MEGF9: variants seen among roughly 807,000 people sequenced by gnomAD.
MEGF9 encodes multiple EGF like domains 9, also known as multiple epidermal growth factor-like domains protein 9.
Under a neutral mutation model 46.8 loss-of-function variants are expected in MEGF9, and 6 were observed. The ratio of observed to expected loss-of-function variants is 0.13; its 90% CI spans 0.07 to 0.25. The LOEUF (loss-of-function observed/expected upper bound fraction) is 0.25, where lower values mean the gene tolerates loss of function less well. Among genes scored for constraint, MEGF9 ranks in the 10% least tolerant of loss-of-function variants. The probability of loss-of-function intolerance (pLI) is 1.00; values close to 1 mark genes in which losing one functional copy is unlikely to be tolerated. For missense variants in MEGF9, 683 were observed against 792.4 expected (o/e 0.86, Z 1.66); for synonymous variants, 302 against 330.7 (o/e 0.91, Z 0.94).
chr9:120,713,450 C>T (rs2043962002), intron 1 of MEGF9, among the ~76,000 whole-genome samples: 1 of 152,128 alleles, frequency 6.6e-6, no homozygotes, highest in Non-Finnish European at 1.5e-5. Context: ...GTGCGCGAAC[C>T]CAACCCAAAA....
intron 1 of MEGF9, among the ~76,000 whole-genome samples, chr9:120,673,423 T>G (rs1023236878): frequency 1.8e-4 from 27 of 151,910 alleles, no homozygotes; most frequent in African/African-American, 6.5e-4. Flanking sequence ...AGACTTACTA[T>G]AAAGCTATAG....
chr9:120,673,690 G>A (rs372415940), intron 1 of MEGF9, among the ~76,000 whole-genome samples: 74 of 151,396 alleles, frequency 4.9e-4, no homozygotes, highest in African/African-American at 1.5e-3. Context: ...TCAATAGGCC[G>A]GGCACGGTGG....
intron 1 of MEGF9, among the ~76,000 whole-genome samples, chr9:120,663,658 A>C (rs993648148): frequency 6.6e-6 from 1 of 152,242 alleles, no homozygotes; most frequent in Non-Finnish European, 1.5e-5. Flanking sequence ...ATGAAACAAT[A>C]TGAAGAGGAC....
At chr9:120,611,385 A>G (rs2043444345) in intron 4 of MEGF9, among the ~76,000 whole-genome samples, 1 of 152,206 alleles carries the variant, frequency 6.6e-6, no homozygotes. Context: ...GAAATGGGGT[A>G]TAACACAATA....
chr9:120,630,644 C>T (rs1454467664), intron 2 of MEGF9, among the ~76,000 whole-genome samples: 2 of 152,190 alleles, frequency 1.3e-5, no homozygotes, highest in Non-Finnish European at 2.9e-5. Flanking sequence ...GTATAAGAGT[C>T]CCCTTTTCTC....
chr9:120,692,458 A>G (rs2132338727), intron 1 of MEGF9, among the ~76,000 whole-genome samples: 1 of 152,314 alleles, frequency 6.6e-6, no homozygotes, highest in South Asian at 2.1e-4. Flanking sequence ...GTGCCCTCTA[A>G]TTATCTTCTC....
chr9:120,678,586 C>T (rs1238359056), intron 1 of MEGF9, among the ~76,000 whole-genome samples: 3 of 152,188 alleles, frequency 2.0e-5, no homozygotes, highest in Non-Finnish European at 4.4e-5. Context: ...AATTCTCATG[C>T]CTCAGCCTCC....
Position 120,714,176 on chromosome 9 carries a change from G to T in MEGF9, c.183C>A (p.Gly61=). 1 of 1,235,326 alleles carries T rather than the reference G, an allele frequency of 8.1e-7. No homozygotes were observed. The highest frequency in any genetic ancestry group is 1.0e-6 in the Non-Finnish European group (1 of 990,692). 76.5% of individuals were successfully genotyped at this position (1,235,326 alleles called of 1,614,324 possible). The change falls in exon 1 of 6, where the codon GGC becomes GGA. Residue 61 remains glycine, a synonymous_variant. Coordinates refer to ENST00000373930, the MANE Select transcript of MEGF9 (RefSeq NM_001080497.3). Reference sequence around the variant, plus strand: ...CCCTAGGGAAGGGGTGGCTGGGCTCGCCCCGCAACCCGGGGCCCGGCGACG... The same window carrying T: ...CCCTAGGGAAGGGGTGGCTGGGCTCTCCCCGCAACCCGGGGCCCGGCGACG... ...VDASPGPGLR[G]EPSHPFPRAT...
At chr9:120,642,555 A>G (rs1045194047) in intron 2 of MEGF9, among the ~76,000 whole-genome samples, 1 of 152,218 alleles carries the variant, frequency 6.6e-6, no homozygotes, top group Admixed American at 6.5e-5. Context: ...GTGTTCAATG[A>G]ATGTTAATTT....
At chr9:120,711,994 T>C (rs1048290764) in intron 1 of MEGF9, among the ~76,000 whole-genome samples, 1 of 152,146 alleles carries the variant, frequency 6.6e-6, no homozygotes, top group Non-Finnish European at 1.5e-5. Flanking sequence ...AAGTGAATCA[T>C]GCCTGAAATC....
intron 4 of MEGF9, among the ~76,000 whole-genome samples, chr9:120,611,105 G>A (rs956680128): frequency 1.3e-5 from 2 of 152,122 alleles, no homozygotes; most frequent in African/African-American, 4.8e-5. Flanking sequence ...TGTTGGTGAA[G>A]CTGTGGAAAA....
intron 1 of MEGF9, among the ~76,000 whole-genome samples, 149 bp downstream of exon 1, chr9:120,713,586 AGATTGATCGGGGGCGGGAGGGAG>A (rs1475254587): frequency 6.6e-6 from 1 of 152,124 alleles, no homozygotes; most frequent in Non-Finnish European, 1.5e-5. Context: ...AAGACTTTCC[AGATTGATCGGGGGCGGGAGGGAG>A]ACTAGCTGGA....
chr9:120,667,013 A>T (rs1002785210), intron 1 of MEGF9, among the ~76,000 whole-genome samples: 3 of 152,242 alleles, frequency 2.0e-5, no homozygotes, highest in Non-Finnish European at 4.4e-5. Context: ...TTATACATGT[A>T]TCAACACTGA....
At chr9:120,692,265 G>A (rs181381460) in intron 1 of MEGF9, among the ~76,000 whole-genome samples, 1 of 152,196 alleles carries the variant, frequency 6.6e-6, no homozygotes, top group East Asian at 1.9e-4. Flanking sequence ...AGCACCAATT[G>A]GTAGCTTTGT....
intron 2 of MEGF9, among the ~76,000 whole-genome samples, chr9:120,638,917 A>G (rs1238528508): frequency 1.3e-5 from 2 of 152,356 alleles, no homozygotes; most frequent in East Asian, 3.9e-4. Flanking sequence ...CCTGGGCTCG[A>G]GCAAGCCTTC....
At chr9:120,668,521 T>G (rs1338411396) in intron 1 of MEGF9, among the ~76,000 whole-genome samples, 1 of 152,218 alleles carries the variant, frequency 6.6e-6, no homozygotes, top group African/African-American at 2.4e-5. Context: ...AACCCAGGTT[T>G]TGTAGAAAAT....
intron 2 of MEGF9, among the ~76,000 whole-genome samples, chr9:120,649,604 G>A (rs532108816): frequency 6.6e-6 from 1 of 152,198 alleles, no homozygotes; most frequent in South Asian, 2.1e-4. Flanking sequence ...GAATAACTAG[G>A]TAAATAATTT....
chr9:120,714,245 C>T lies in MEGF9; in HGVS notation c.114G>A (p.Ala38=), dbSNP rs2043968006. ...CCCCGCCGCCACCGGTGACATTCCC[C>T]GCCGAGGCGGCTGAGGCGACGGCGG... The part of the protein sequence containing the change: ...AAAAVASAAS[A]GNVTGGGGAA... The change falls in exon 1 of 6, where the codon GCG becomes GCA. Residue 38 remains alanine, a synonymous_variant. Coordinates refer to ENST00000373930, the MANE Select transcript of MEGF9 (RefSeq NM_001080497.3). 4.9e-6 allele frequency: 6 copies of T among 1,229,026 alleles called. No homozygotes were observed. In the South Asian group the frequency reaches 2.2e-4, roughly 46 times the overall value. 76.1% of individuals were successfully genotyped at this position (1,229,026 alleles called of 1,614,324 possible).
At chr9:120,678,116 C>T (rs2132331433) in intron 1 of MEGF9, among the ~76,000 whole-genome samples, 1 of 152,288 alleles carries the variant, frequency 6.6e-6, no homozygotes, top group South Asian at 2.1e-4. Context: ...TTGCAAATGA[C>T]AGGATCTTAT....
Sources: gnomAD v4.1 joint callset for allele counts (sites outside exome capture counted in the v4.1 genomes callset) on GRCh38, gnomAD v4.1.1 for gene constraint, MANE v1.5 for transcripts, NCBI Gene and HGNC (gene_info 2026-07-23, HGNC 2026-07-21) for gene names.